Variants in NKD1 observed in about 807,000 individuals in gnomAD.
The protein encoded by NKD1 is NKD inhibitor of Wnt signaling pathway 1, also known as protein naked cuticle homolog 1.
Under a neutral mutation model 56.0 loss-of-function variants are expected in NKD1, and 21 were observed. That is an observed-to-expected ratio of 0.38 (90% confidence interval 0.27 to 0.54). NKD1 has a LOEUF of 0.54. Ranked by LOEUF, NKD1 falls within the 20% of genes least tolerant of loss-of-function variation. The pLI, the probability that NKD1 is intolerant of heterozygous loss-of-function variation, is 0.82. For synonymous variants in NKD1, 263 were observed against 265.7 expected, an observed-to-expected ratio of 0.99 and a Z score of 0.10; for missense variants, 578 against 642.7, an observed-to-expected ratio of 0.90 and a Z score of 1.09.
In NKD1 at chr16:50,637,776, C is replaced by G. The variant is rs1450112845; in HGVS notation, c.*3995C>G. 3 of 152,094 alleles carry G rather than the reference C, an allele frequency of 2.0e-5. No homozygotes were observed. The highest frequency in any genetic ancestry group is 4.4e-5 in the Non-Finnish European group (3 of 68,038). The allele number at this position is 152,094 out of a possible 1,614,324, so 9.4% of individuals were successfully genotyped here. ...TCTTCTGAAGGCCATTCCAGAGGAG[C>G]AGTTGCCACTGCCCCATCCCCTGAG... On this transcript the variant is annotated 3_prime_UTR_variant, in exon 10 of 10. Coordinates refer to ENST00000268459, the MANE Select transcript of NKD1 (RefSeq NM_033119.5).
chr16:50,615,562 C>T (rs750941338), intron 4 of NKD1, among the ~76,000 whole-genome samples: 5 of 152,012 alleles, frequency 3.3e-5, no homozygotes, highest in South Asian at 2.1e-4. Context: ...GGGATAACAG[C>T]GTGAGAGCAT....
intron 1 of NKD1, 23 bp from the exon 2 acceptor site, chr16:50,548,694 G>GCCGCCT: frequency 1.4e-6 from 2 of 1,463,368 alleles, no homozygotes. Context: ...CGCCGCCGCC[G>GCCGCCT]CCGCCTCGCG....
At chr16:50,570,407 A>C (rs1346326311) in intron 3 of NKD1, among the ~76,000 whole-genome samples, 1 of 152,196 alleles carries the variant, frequency 6.6e-6, no homozygotes, top group Non-Finnish European at 1.5e-5. Flanking sequence ...GTGATATTAA[A>C]ATGTTATGGT....
At chr16:50,609,574 T>C (rs1961796280) in intron 4 of NKD1, among the ~76,000 whole-genome samples, 1 of 152,102 alleles carries the variant, frequency 6.6e-6, no homozygotes, top group Admixed American at 6.5e-5. Context: ...AAGGGGAGCA[T>C]CGGCCAGACC....
At chr16:50,554,382 G>A (rs1382088998) in intron 3 of NKD1, among the ~76,000 whole-genome samples, 2 of 152,058 alleles carry the variant, frequency 1.3e-5, no homozygotes, top group African/African-American at 4.8e-5. Flanking sequence ...GTCCCCGCGA[G>A]GGCAGGAAAC....
chr16:50,580,062 G>A (rs529890224), intron 3 of NKD1, among the ~76,000 whole-genome samples: 4 of 151,986 alleles, frequency 2.6e-5, no homozygotes, highest in East Asian at 1.9e-4. Flanking sequence ...TGGTCCCACC[G>A]GCTAGTCGCT....
intron 3 of NKD1, among the ~76,000 whole-genome samples, chr16:50,597,667 A>C (rs1046973434): frequency 6.6e-6 from 1 of 152,246 alleles, no homozygotes; most frequent in Admixed American, 6.5e-5. Flanking sequence ...CCTATCTGAC[A>C]GCACTGTGGA....
chr16:50,594,494 C>CCAGGG (rs1311480462), intron 3 of NKD1, among the ~76,000 whole-genome samples: 2 of 152,178 alleles, frequency 1.3e-5, no homozygotes, highest in Non-Finnish European at 2.9e-5. Context: ...GGACACTGTC[C>CCAGGG]CAGGGCAGGG....
At position 50,592,404 on chromosome 16, in the gene NKD1, G is replaced by A. The variant is rs552394413; in HGVS notation, c.193-15890G>A. On this transcript the variant is annotated intron_variant, in intron 3 of 9. Transcript: ENST00000268459. ...GTTTCACTTGTCCCTGCCTGGCATCGCAGCCAGGATGGTTTTATCGATGCA... is the reference window on the plus strand; with the variant it reads ...GTTTCACTTGTCCCTGCCTGGCATCACAGCCAGGATGGTTTTATCGATGCA... Among the ~76,000 whole-genome samples, 24 of 152,360 alleles carry A rather than the reference G, an allele frequency of 1.6e-4. No homozygotes were observed. The South Asian group carries it at 5.0e-3, about 32-fold the overall frequency.
At position 50,640,476 on chromosome 16, in the gene NKD1, C is replaced by T. The variant is rs1962558998; in HGVS notation, c.*6695C>T. The stretch of plus-strand genomic sequence containing the variant: ...GGCAGTCAGCAGTGGTTATCAGGAT[C>T]CTGGCTCTATGGGTTGCCTTCCTCC... On this transcript the variant is annotated 3_prime_UTR_variant, in exon 10 of 10. Coordinates refer to ENST00000268459, the MANE Select transcript of NKD1 (RefSeq NM_033119.5). The T allele has an allele frequency of 6.6e-6, 1 of 152,242 alleles. No homozygotes were observed. Among genetic ancestry groups the T allele is most frequent in the African/African-American group, 2.4e-5 (1 of 41,444 alleles). 9.4% of individuals were successfully genotyped at this position (152,242 alleles called of 1,614,324 possible).
intron 3 of NKD1, among the ~76,000 whole-genome samples, chr16:50,604,299 T>C (rs1049693557): frequency 6.6e-6 from 1 of 152,204 alleles, no homozygotes; most frequent in Non-Finnish European, 1.5e-5. Context: ...TCCTTTGGAA[T>C]ACCTGAAAGG....
intron 3 of NKD1, among the ~76,000 whole-genome samples, chr16:50,586,073 AC>A (rs2082361641): frequency 1.3e-5 from 2 of 151,936 alleles, no homozygotes; most frequent in Non-Finnish European, 2.9e-5. Context: ...TTCACCCTCC[AC>A]CCAGGGTGGA....
rs1043085445 is a variant in NKD1, at chr16:50,633,868, TATG to T, written c.*93_*95del. 20 of 628,894 alleles carry T rather than the reference TATG, an allele frequency of 3.2e-5. No individual in the cohort carries two copies. The highest frequency in any genetic ancestry group is 1.6e-4 in the South Asian group (6 of 36,606). The allele number at this position is 628,894 out of a possible 1,614,324, so 39.0% of individuals were successfully genotyped here. Reference sequence around the variant, plus strand: ...TTATTATTCTATTAATTATTGTTATTATGATGATTATTGTTATTAATAATTATT... The same window carrying T: ...TTATTATTCTATTAATTATTGTTATTATGATTATTGTTATTAATAATTATT... On this transcript the variant is annotated 3_prime_UTR_variant, in exon 10 of 10. Coordinates refer to ENST00000268459, the MANE Select transcript of NKD1 (RefSeq NM_033119.5). This position sits in a 1 kb window ranked among gnomAD's most constrained non-coding sequence, Gnocchi z 4.9.
intron 6 of NKD1, among the ~76,000 whole-genome samples, chr16:50,627,149 A>G (rs1007705399): frequency 2.0e-5 from 3 of 149,616 alleles, no homozygotes; most frequent in African/African-American, 4.9e-5. Flanking sequence ...GCTGTATTCG[A>G]AAAAAAAAAG....
chr16:50,625,787 G>A (rs1469574442), intron 6 of NKD1, among the ~76,000 whole-genome samples: 6 of 152,242 alleles, frequency 3.9e-5, no homozygotes, highest in African/African-American at 9.6e-5. Context: ...AGACAGGGAG[G>A]GAAGGCAGCT....
intron 4 of NKD1, among the ~76,000 whole-genome samples, chr16:50,617,730 T>G (rs765940722): frequency 5.3e-5 from 8 of 152,086 alleles, no homozygotes; most frequent in Non-Finnish European, 1.2e-4. Flanking sequence ...GAAAGCAGAG[T>G]TGACATTTTC....
chr16:50,548,703 C>G lies in NKD1; in HGVS notation c.26-14C>G. ...GGCTGCCGCCGCCGCCGCCGCCTCG[C>G]GATGTGCCTGCAGCCGCCGTGTGCA... On this transcript the variant is annotated splice_polypyrimidine_tract_variant and intron_variant, in intron 1 of 9. Coordinates refer to ENST00000268459, the MANE Select transcript of NKD1 (RefSeq NM_033119.5). 6.8e-7 allele frequency: 1 copy of G among 1,465,888 alleles called. No individual in the cohort carries two copies. The highest frequency in any genetic ancestry group is 9.0e-7 in the Non-Finnish European group (1 of 1,117,028). The allele number at this position is 1,465,888 out of a possible 1,614,324, so 90.8% of individuals were successfully genotyped here.
At chr16:50,560,823 C>CATCTATCTATCTATATCT (rs1555487403) in intron 3 of NKD1, among the ~76,000 whole-genome samples, 4 of 148,546 alleles carry the variant, frequency 2.7e-5, no homozygotes, top group African/African-American at 1.0e-4. Context: ...TACCCAAACC[C>CATCTATCTATCTATATCT]ATCTATCTAT....
intron 3 of NKD1, among the ~76,000 whole-genome samples, chr16:50,576,051 C>T (rs1960987528): frequency 6.6e-6 from 1 of 152,250 alleles, no homozygotes; most frequent in South Asian, 2.1e-4. Context: ...CTGCAGAGCC[C>T]ACCAAGCCTC....
Sources: gnomAD v4.1 joint callset for allele counts (sites outside exome capture counted in the v4.1 genomes callset) on GRCh38, gnomAD v4.1.1 for gene constraint, Gnocchi (gnomAD v3.1) non-coding constraint, MANE v1.5 for transcripts, NCBI Gene and HGNC (gene_info 2026-07-23, HGNC 2026-07-21) for gene names.